The following MTHFD2L variants were observed in gnomAD, a reference collection of about 807,000 sequenced individuals.
MTHFD2L encodes bifunctional methylenetetrahydrofolate dehydrogenase/cyclohydrolase 2, mitochondrial.
MTHFD2L carries 29 observed loss-of-function variants against 34.9 expected under a neutral mutation model. That is an observed-to-expected ratio of 0.83 (90% CI 0.62 to 1.13). The LOEUF is 1.13. Among genes scored for constraint, MTHFD2L ranks in the 50% most tolerant of loss-of-function variants. The pLI, the probability that MTHFD2L is intolerant of heterozygous loss-of-function variation, is 0.00. For synonymous variants in MTHFD2L, 167 were observed against 155.7 expected (o/e 1.07, Z -0.54); for missense variants, 481 against 446.5 (o/e 1.08, Z -0.70).
Position 74,170,895 on chromosome 4 carries a change from G to A in MTHFD2L, c.144-3611G>A, listed in dbSNP as rs1185312402. Among the ~76,000 whole-genome samples, 6 of 145,644 alleles carry A rather than the reference G, an allele frequency of 4.1e-5. No individual in the cohort carries two copies. The Admixed American group carries it at 4.3e-4, about 11-fold the overall frequency. On this transcript the variant is annotated intron_variant, in intron 1 of 7. Coordinates refer to ENST00000325278, the MANE Select transcript of MTHFD2L (RefSeq NM_001144978.3). ...TCGCAAGGACAAAAAACCAAACACT[G>A]CATGTTCTCACTCATAGGTGGGAAT...
intron 3 of MTHFD2L, among the ~76,000 whole-genome samples, chr4:74,193,448 T>C (rs1239849834): frequency 3.3e-5 from 5 of 152,222 alleles, no homozygotes; most frequent in Admixed American, 3.3e-4. Context: ...TAAATCTTCA[T>C]ATACATTTAA....
chr4:74,179,643 A>G (rs906245253), intron 3 of MTHFD2L, among the ~76,000 whole-genome samples: 1 of 150,496 alleles, frequency 6.6e-6, no homozygotes, highest in African/African-American at 2.5e-5. Context: ...TTGAAAATCG[A>G]TCTTTTATAC....
At chr4:74,255,528 C>T (rs1269869871) in intron 6 of MTHFD2L, among the ~76,000 whole-genome samples, 3 of 152,040 alleles carry the variant, frequency 2.0e-5, no homozygotes, top group Non-Finnish European at 4.4e-5. Flanking sequence ...GGATACATGT[C>T]CAGGTTTTTT....
intron 1 of MTHFD2L, among the ~76,000 whole-genome samples, chr4:74,167,861 C>A (rs770304789): frequency 2.6e-5 from 4 of 152,112 alleles, no homozygotes; most frequent in Admixed American, 2.6e-4. Context: ...ACTTTTTCCC[C>A]CAATTTCTCA....
intron 5 of MTHFD2L, among the ~76,000 whole-genome samples, chr4:74,214,870 A>T (rs975859241): frequency 2.6e-5 from 4 of 151,726 alleles, no homozygotes; most frequent in Admixed American, 2.0e-4. Flanking sequence ...AGCCCCTGAC[A>T]GGGGCTGCTG....
chr4:74,196,729 C>T (rs925430994), intron 3 of MTHFD2L, among the ~76,000 whole-genome samples: 9 of 151,788 alleles, frequency 5.9e-5, no homozygotes, highest in South Asian at 2.1e-4. Flanking sequence ...TGGTGGATCA[C>T]GAGGTCAGGA....
intron 3 of MTHFD2L, among the ~76,000 whole-genome samples, chr4:74,184,773 A>T (rs1730824336): frequency 6.6e-6 from 1 of 152,160 alleles, no homozygotes; most frequent in Non-Finnish European, 1.5e-5. Flanking sequence ...AGGCCATAAA[A>T]CTAATCTCAA....
intron 6 of MTHFD2L, among the ~76,000 whole-genome samples, chr4:74,234,376 A>G (rs910554359): frequency 2.0e-5 from 3 of 152,040 alleles, no homozygotes; most frequent in African/African-American, 2.4e-5. Flanking sequence ...TTATATTTCT[A>G]TAACTTGCTT....
At chr4:74,271,881 T>C (rs1746041075) in intron 6 of MTHFD2L, among the ~76,000 whole-genome samples, 1 of 152,170 alleles carries the variant, frequency 6.6e-6, no homozygotes, top group Non-Finnish European at 1.5e-5. Flanking sequence ...GAAGAGGTCT[T>C]TCACATCCCT....
intron 5 of MTHFD2L, among the ~76,000 whole-genome samples, chr4:74,213,308 T>C (rs1257273548): frequency 1.3e-5 from 2 of 152,224 alleles, no homozygotes; most frequent in African/African-American, 4.8e-5. Flanking sequence ...GTCTTTACAA[T>C]TTGGTATGTT....
intron 1 of MTHFD2L, among the ~76,000 whole-genome samples, 178 bp from the exon 2 acceptor site, chr4:74,174,328 T>G (rs1410043713): frequency 1.3e-5 from 2 of 152,158 alleles, no homozygotes; most frequent in Admixed American, 6.6e-5. Flanking sequence ...GTTGGAATCC[T>G]TCACAAAATT....
chr4:74,177,792 G>A (rs113712855), intron 3 of MTHFD2L, among the ~76,000 whole-genome samples: 22 of 151,956 alleles, frequency 1.4e-4, no homozygotes, highest in African/African-American at 5.1e-4. Context: ...AGAGATATCT[G>A]CACTCCTAAA....
Position 74,301,106 on chromosome 4 carries a change from C to CA in MTHFD2L, c.932-585dup, listed in dbSNP as rs1750258145. 2.6e-5 allele frequency among the ~76,000 whole-genome samples: 4 copies of CA among 152,018 alleles called. No individual in the cohort carries two copies. In the South Asian group the frequency reaches 8.3e-4, roughly 32 times the overall value. On this transcript the variant is annotated intron_variant, in intron 7 of 7. Transcript: ENST00000325278. ...TATGGCTTTTACACAGTTGAAAAAT[C>CA]AAAAAATTATAAGTGAAACCATTGC... is the stretch of plus-strand genomic sequence containing the variant.
chr4:74,243,776 A>G (rs1742033693), intron 6 of MTHFD2L, among the ~76,000 whole-genome samples: 1 of 152,188 alleles, frequency 6.6e-6, no homozygotes, highest in Non-Finnish European at 1.5e-5. Flanking sequence ...GCCACGCATT[A>G]AATCCCTAGG....
intron 3 of MTHFD2L, among the ~76,000 whole-genome samples, chr4:74,187,635 G>A (rs1159880102): frequency 6.6e-6 from 1 of 152,060 alleles, no homozygotes; most frequent in Non-Finnish European, 1.5e-5. Context: ...GTGATGATGT[G>A]GAGGGATAGT....
intron 7 of MTHFD2L, among the ~76,000 whole-genome samples, chr4:74,288,970 A>G (rs767871621): frequency 2.0e-5 from 3 of 152,032 alleles, no homozygotes; most frequent in Non-Finnish European, 4.4e-5. Flanking sequence ...CTTGATTATT[A>G]CTGTTTTTAG....
upstream of MTHFD2L, among the ~76,000 whole-genome samples, chr4:74,120,222 T>C (rs890653342): frequency 6.6e-6 from 1 of 152,188 alleles, no homozygotes; most frequent in Non-Finnish European, 1.5e-5. Flanking sequence ...GGCTAGCACA[T>C]AACTAAATGA....
chr4:74,293,943 A>G (rs1219431872), intron 7 of MTHFD2L, among the ~76,000 whole-genome samples: 2 of 152,216 alleles, frequency 1.3e-5, no homozygotes, highest in Admixed American at 1.3e-4. Flanking sequence ...GATGAAATTC[A>G]CATGAGAGAA....
At chr4:74,123,101 T>C (rs1177366745), upstream of MTHFD2L, among the ~76,000 whole-genome samples, 1 of 152,172 alleles carries the variant, frequency 6.6e-6, no homozygotes, top group African/African-American at 2.4e-5. Context: ...ATTTTAAGCA[T>C]GCTGAAAATT....
Sources: gnomAD v4.1 joint callset for allele counts (sites outside exome capture counted in the v4.1 genomes callset) on GRCh38, gnomAD v4.1.1 for gene constraint, MANE v1.5 for transcripts, NCBI Gene and HGNC (gene_info 2026-07-23, HGNC 2026-07-21) for gene names.